Variants in DENND6A observed in about 807,000 individuals in gnomAD.
DENND6A encodes protein DENND6A.
Under a neutral mutation model 95.5 loss-of-function variants are expected in DENND6A, and 43 were observed. That is an observed-to-expected ratio of 0.45 (90% confidence interval 0.35 to 0.58). The LOEUF (loss-of-function observed/expected upper bound fraction) is 0.58. DENND6A is among the 20% of genes least tolerant of loss of function. DENND6A has a pLI of 0.00. For synonymous variants in DENND6A, 257 were observed against 260.4 expected (o/e 0.99, Z 0.13); for missense variants, 574 against 736.0 (o/e 0.78, Z 2.55).
intron 1 of DENND6A, among the ~76,000 whole-genome samples, chr3:57,689,991 T>C (rs940374979): frequency 6.7e-6 from 1 of 150,282 alleles, no homozygotes; most frequent in African/African-American, 2.5e-5. Flanking sequence ...TTCGAGGTTG[T>C]AGTGAGTTAT....
At chr3:57,628,492 G>T in intron 19 of DENND6A, 147 bp from the exon 20 acceptor site, 1 of 1,173,034 alleles carries the variant, frequency 8.5e-7, no homozygotes, top group South Asian at 1.8e-5. Flanking sequence ...AAAGCAAGGA[G>T]CATTCTATTT....
At chr3:57,682,770 A>C (rs1187812792) in intron 1 of DENND6A, among the ~76,000 whole-genome samples, 2 of 152,056 alleles carry the variant, frequency 1.3e-5, no homozygotes, top group East Asian at 3.8e-4. Context: ...CCAACTCCCA[A>C]GTTCAAGCGA....
intron 12 of DENND6A, among the ~76,000 whole-genome samples, chr3:57,636,689 C>G (rs1479481809): frequency 6.6e-6 from 1 of 152,098 alleles, no homozygotes; most frequent in Non-Finnish European, 1.5e-5. Flanking sequence ...GTAATCTCAG[C>G]ACTTTGGAAA....
At chr3:57,667,325 A>T (rs1235966896) in intron 3 of DENND6A, among the ~76,000 whole-genome samples, 3 of 151,798 alleles carry the variant, frequency 2.0e-5, no homozygotes, top group Non-Finnish European at 2.9e-5. Context: ...TGGCCTTTTT[A>T]AAAAAAATTT....
At chr3:57,649,385 A>G (rs2071146088) in intron 9 of DENND6A, among the ~76,000 whole-genome samples, 1 of 152,168 alleles carries the variant, frequency 6.6e-6, no homozygotes, top group African/African-American at 2.4e-5. Context: ...GTGAAAAGGG[A>G]ATACTTTTAC....
chr3:57,681,403 G>A lies in DENND6A; in HGVS notation c.238-8965C>T, dbSNP rs565870855. On this transcript the variant is annotated intron_variant, in intron 1 of 19. Transcript: ENST00000311128. ...GGCATGAACCCAGGAGGCAGAGCTT[G>A]CAGTGAGCCGAGATCACGCCACTGC... Among the ~76,000 whole-genome samples, 37 of 152,116 alleles carry A rather than the reference G, an allele frequency of 2.4e-4. 1 individual carries two copies. In the South Asian group the frequency reaches 6.4e-3, roughly 26 times the overall value.
chr3:57,677,566 G>A (rs981664438), intron 1 of DENND6A, among the ~76,000 whole-genome samples: 4 of 151,560 alleles, frequency 2.6e-5, no homozygotes, highest in South Asian at 2.1e-4. Context: ...CTCCTCAGTA[G>A]CTGGGACTAC....
intron 12 of DENND6A, among the ~76,000 whole-genome samples, chr3:57,640,036 C>T (rs2070889211): frequency 6.6e-6 from 1 of 152,042 alleles, no homozygotes; most frequent in Admixed American, 6.6e-5. Flanking sequence ...CTTTGGGAAG[C>T]CGAGGTGGGC....
At chr3:57,636,025 T>C (rs1423724682) in intron 12 of DENND6A, among the ~76,000 whole-genome samples, 1 of 152,228 alleles carries the variant, frequency 6.6e-6, no homozygotes, top group Non-Finnish European at 1.5e-5. Context: ...TAGCTTACTT[T>C]ATTATAAGGA....
intron 4 of DENND6A, among the ~76,000 whole-genome samples, chr3:57,665,659 C>T (rs1030029917): frequency 6.6e-6 from 1 of 151,854 alleles, no homozygotes; most frequent in African/African-American, 2.4e-5. Flanking sequence ...CAGATGAAAA[C>T]GTTCCTCATG....
At chr3:57,647,580 A>G (rs1302907572) in intron 9 of DENND6A, among the ~76,000 whole-genome samples, 2 of 152,200 alleles carry the variant, frequency 1.3e-5, no homozygotes, top group Non-Finnish European at 2.9e-5. Flanking sequence ...ACAGACAGGT[A>G]GCCTGATGAG....
chr3:57,632,022 T>C (rs1319399019), intron 15 of DENND6A, among the ~76,000 whole-genome samples: 1 of 66,434 alleles, frequency 1.5e-5, no homozygotes, highest in Admixed American at 1.7e-4. Flanking sequence ...GCGCCCGGCC[T>C]TTTTTTTTTT....
intron 10 of DENND6A, 137 bp downstream of exon 10, chr3:57,646,179 T>C (rs921320013): frequency 1.5e-5 from 19 of 1,243,276 alleles, no homozygotes; most frequent in African/African-American, 4.5e-5. Flanking sequence ...TACCTTCTGA[T>C]AGGGTTTTTG....
In DENND6A at chr3:57,689,941, G is replaced by A. The variant is rs577241746; in HGVS notation, c.237+2841C>T. 2.0e-5 allele frequency among the ~76,000 whole-genome samples: 3 copies of A among 151,578 alleles called. No homozygotes were observed. The South Asian group carries it at 6.3e-4, about 32-fold the overall frequency. ...TAGCCGGGTGTAGTGGTGCATGTCT[G>A]TATTCATAGATACTCAGGAGGATCC... On this transcript the variant is annotated intron_variant, in intron 1 of 19. Coordinates refer to ENST00000311128, the MANE Select transcript of DENND6A (RefSeq NM_152678.3).
In DENND6A at chr3:57,692,125, G is replaced by A. The variant is rs190783305; in HGVS notation, c.237+657C>T. 1.9e-3 allele frequency among the ~76,000 whole-genome samples: 294 copies of A among 151,384 alleles called. 1 individual carries two copies. The highest frequency in any genetic ancestry group is 6.8e-3 in the African/African-American group (282 of 41,308). On this transcript the variant is annotated intron_variant, in intron 1 of 19. Transcript: ENST00000311128. ...TGCCTGTAACCCCAGCTACTCGGGA[G>A]GCTGAGGCAGGAGAATTGCCTGAAT... is the stretch of plus-strand genomic sequence containing the variant.
chr3:57,648,855 CA>C (rs1418471152), intron 9 of DENND6A, among the ~76,000 whole-genome samples: 1 of 152,134 alleles, frequency 6.6e-6, no homozygotes, highest in African/African-American at 2.4e-5. Flanking sequence ...TCATCCTTTA[CA>C]AAAACAAACT....
rs750497126 is a variant in DENND6A, at chr3:57,657,747, A to T, written c.763-12T>A. 1.5e-5 allele frequency: 24 copies of T among 1,557,790 alleles called. No individual in the cohort carries two copies. The South Asian group carries it at 2.8e-4, about 18-fold the overall frequency. ...ATATTTGTGTCCACCTGAGAGATAG[A>T]AAAGAAAAATAAAAGAAGGTATCAC... On this transcript the variant is annotated splice_polypyrimidine_tract_variant and intron_variant, in intron 8 of 19. Coordinates refer to ENST00000311128, the MANE Select transcript of DENND6A (RefSeq NM_152678.3).
In DENND6A at chr3:57,654,175, T is replaced by C. The variant is rs759419927; in HGVS notation, c.818+3505A>G. ...TTTCACCGTGTTAGCCAGGATGGTC[T>C]CGATCTCCTGACCTCGTGATCCACC... is the stretch of plus-strand genomic sequence containing the variant. On this transcript the variant is annotated intron_variant, in intron 9 of 19. Transcript: ENST00000311128. Among the ~76,000 whole-genome samples the C allele has an allele frequency of 9.3e-4, 141 of 151,744 alleles. 1 individual carries two copies. Among genetic ancestry groups the C allele is most frequent in the Admixed American group, 3.0e-3 (45 of 15,210 alleles).
chr3:57,668,478 A>C (rs1478995860), intron 3 of DENND6A, among the ~76,000 whole-genome samples: 2 of 152,232 alleles, frequency 1.3e-5, no homozygotes, highest in African/African-American at 2.4e-5. Context: ...ACCTACATCC[A>C]GATGATGTTA....
Sources: gnomAD v4.1 joint callset for allele counts (sites outside exome capture counted in the v4.1 genomes callset) on GRCh38, gnomAD v4.1.1 for gene constraint, MANE v1.5 for transcripts, NCBI Gene and HGNC (gene_info 2026-07-23, HGNC 2026-07-21) for gene names.